The following KALRN variants were observed in gnomAD, a reference collection of about 807,000 sequenced individuals.
KALRN encodes the protein kalirin RhoGEF kinase.
Under a neutral mutation model 353.7 loss-of-function variants are expected in KALRN, and 70 were observed. The ratio of observed to expected loss-of-function variants is 0.20; its 90% CI spans 0.16 to 0.24. KALRN has a LOEUF of 0.24. KALRN is among the 10% of genes least tolerant of loss of function. The pLI, the probability that KALRN is intolerant of heterozygous loss-of-function variation, is 1.00. For synonymous variants in KALRN, 1,391 were observed against 1,434.8 expected (o/e 0.97, Z 0.69); for missense variants, 2,791 against 3,756.7 (o/e 0.74, Z 6.72).
rs10673161 is a variant in KALRN at position 124,646,391 on chromosome 3, C to CTTTTTTTTTTTTTTTTT, written c.5665-4416_5665-4400dup. Among the ~76,000 whole-genome samples, 736 of 110,324 alleles carry CTTTTTTTTTTTTTTTTT rather than the reference C, an allele frequency of 6.7e-3. 52 individuals carry two copies. The highest frequency in any genetic ancestry group is 7.9e-3 in the Non-Finnish European group (430 of 54,684). The allele number at this position is 110,324 out of a possible 152,430, so 72.4% of individuals were successfully genotyped here. Reference sequence around the variant, plus strand: ...GACTGCTAGAGGGATCTTTTGTTTACTTTTTTTTTTTTTTTTTGAGACAGA... The same window carrying CTTTTTTTTTTTTTTTTT: ...GACTGCTAGAGGGATCTTTTGTTTACTTTTTTTTTTTTTTTTTTTTTTTTTTTTTTTTTTGAGACAGA... On this transcript the variant is annotated intron_variant, in intron 37 of 59. Transcript: ENST00000682506.
chr3:124,160,797 C>T (rs2069812427), intron 1 of KALRN, among the ~76,000 whole-genome samples: 1 of 152,198 alleles, frequency 6.6e-6, no homozygotes, highest in African/African-American at 2.4e-5. Flanking sequence ...CTGAGCAAGT[C>T]TGTCCCCTTC....
At chr3:124,703,757 C>A (rs1418269734) in intron 57 of KALRN, among the ~76,000 whole-genome samples, 3 of 152,156 alleles carry the variant, frequency 2.0e-5, no homozygotes, top group African/African-American at 2.4e-5. Context: ...CCCACGCTTG[C>A]GGGGAGGATG....
chr3:124,120,956 G>A (rs572518243), intron 1 of KALRN, among the ~76,000 whole-genome samples: 6 of 150,704 alleles, frequency 4.0e-5, no homozygotes, highest in South Asian at 2.1e-4. Flanking sequence ...TTAGCTGGGC[G>A]TGGTGGTGCA....
chr3:124,366,127 T>A (rs492270), intron 10 of KALRN, among the ~76,000 whole-genome samples: 95,616 of 152,042 alleles, frequency 0.63, 30,448 homozygotes, highest in East Asian at 0.89. Context: ...GTCCAAACTG[T>A]GAAAGGTGTA....
chr3:124,034,110 G>T (rs1450440826), intron 1 of KALRN, among the ~76,000 whole-genome samples: 1 of 152,144 alleles, frequency 6.6e-6, no homozygotes, highest in Non-Finnish European at 1.5e-5. Context: ...AGAGCGCGGG[G>T]ATGGGCGGTG....
At chr3:124,082,408 A>T (rs2060589272) in intron 1 of KALRN, 1 of 416,366 alleles carries the variant, frequency 2.4e-6, no homozygotes, top group Non-Finnish European at 5.0e-6. Flanking sequence ...AGCTACAACC[A>T]AGTAATTCTT....
intron 1 of KALRN, among the ~76,000 whole-genome samples, chr3:124,216,001 G>T (rs1369714688): frequency 6.6e-6 from 1 of 152,200 alleles, no homozygotes; most frequent in East Asian, 1.9e-4. Flanking sequence ...TGGCGGGGGT[G>T]TCATAAGTTT....
At chr3:124,639,612 A>C (rs1435762291) in intron 37 of KALRN, among the ~76,000 whole-genome samples, 1 of 152,150 alleles carries the variant, frequency 6.6e-6, no homozygotes, top group African/African-American at 2.4e-5. Flanking sequence ...TTAAACATGT[A>C]AGCAAAGACA....
In KALRN at chr3:124,478,658, A is replaced by T. The variant is rs553530673; in HGVS notation, c.4191+1324A>T. On this transcript the variant is annotated intron_variant, in intron 27 of 59. Coordinates refer to ENST00000682506, the MANE Select transcript of KALRN (RefSeq NM_001388419.1). ...CTGATATTATTGGGTATCATATTGGATGCCCTCTGCCACCATTACCTCTGA... is the reference window on the plus strand; with the variant it reads ...CTGATATTATTGGGTATCATATTGGTTGCCCTCTGCCACCATTACCTCTGA... Among the ~76,000 whole-genome samples the T allele has an allele frequency of 3.9e-5, 6 of 152,346 alleles. No homozygotes were observed. In the East Asian group the frequency reaches 1.2e-3, roughly 29 times the overall value.
chr3:124,052,301 C>A (rs1380444912), intron 1 of KALRN, among the ~76,000 whole-genome samples: 1 of 152,144 alleles, frequency 6.6e-6, no homozygotes, highest in African/African-American at 2.4e-5. Context: ...TTTCAAACAA[C>A]CATGTTTCTG....
chr3:124,149,464 G>T (rs2067798522), intron 1 of KALRN, among the ~76,000 whole-genome samples: 1 of 152,172 alleles, frequency 6.6e-6, no homozygotes, highest in South Asian at 2.1e-4. Context: ...CTTGCCTGCT[G>T]CCCAGTGTCT....
chr3:124,692,257 C>T (rs2061852030), intron 51 of KALRN, among the ~76,000 whole-genome samples: 1 of 152,208 alleles, frequency 6.6e-6, no homozygotes, highest in South Asian at 2.1e-4. Flanking sequence ...TTGAGACTAG[C>T]AGAGGGCATT....
chr3:124,253,037 T>C (rs1419172358), intron 3 of KALRN, among the ~76,000 whole-genome samples: 1 of 152,252 alleles, frequency 6.6e-6, no homozygotes, highest in Non-Finnish European at 1.5e-5. Flanking sequence ...CAGGTGATAA[T>C]GTGTCTTTAA....
intron 1 of KALRN, among the ~76,000 whole-genome samples, chr3:124,193,681 G>A (rs965073889): frequency 6.6e-6 from 1 of 151,810 alleles, no homozygotes; most frequent in South Asian, 2.1e-4. Context: ...TGAAAAAATA[G>A]CCATCTTTCA....
intron 6 of KALRN, among the ~76,000 whole-genome samples, chr3:124,320,993 T>C (rs1481180888): frequency 3.9e-5 from 6 of 152,344 alleles, no homozygotes; most frequent in Non-Finnish European, 8.8e-5. Context: ...GTTGGAATCA[T>C]TGATAGATTT....
intron 34 of KALRN, among the ~76,000 whole-genome samples, chr3:124,602,140 T>C (rs773821693): frequency 3.9e-4 from 59 of 152,220 alleles, no homozygotes; most frequent in Non-Finnish European, 2.1e-4. Context: ...AATGACATTT[T>C]GGCTAAATAT....
At chr3:124,405,463 C>T (rs2091412044) in intron 13 of KALRN, among the ~76,000 whole-genome samples, 1 of 151,980 alleles carries the variant, frequency 6.6e-6, no homozygotes, top group Non-Finnish European at 1.5e-5. Flanking sequence ...AATGAGTGAG[C>T]AATATACGTT....
intron 32 of KALRN, among the ~76,000 whole-genome samples, chr3:124,493,409 G>A (rs1179001530): frequency 2.6e-5 from 4 of 152,166 alleles, no homozygotes; most frequent in Non-Finnish European, 4.4e-5. Flanking sequence ...TTGGGCAGAA[G>A]AGGACTTATA....
intron 21 of KALRN, among the ~76,000 whole-genome samples, chr3:124,454,223 G>A (rs994305815): frequency 2.0e-5 from 3 of 152,234 alleles, no homozygotes; most frequent in Admixed American, 1.3e-4. Context: ...ATCCTGGCAT[G>A]TGCCAACTTA....
Sources: gnomAD v4.1 joint callset for allele counts (sites outside exome capture counted in the v4.1 genomes callset) on GRCh38, gnomAD v4.1.1 for gene constraint, MANE v1.5 for transcripts, NCBI Gene and HGNC (gene_info 2026-07-23, HGNC 2026-07-21) for gene names.